The following HNRNPR variants were observed in gnomAD, a reference collection of about 807,000 sequenced individuals.
HNRNPR encodes heterogeneous nuclear ribonucleoprotein R.
HNRNPR carries 4 observed loss-of-function variants against 70.3 expected under a neutral mutation model. That is an observed-to-expected ratio of 0.06 (90% CI 0.03 to 0.13). The LOEUF (loss-of-function observed/expected upper bound fraction) is 0.13, where lower values mean the gene tolerates loss of function less well. Ranked by LOEUF, HNRNPR falls within the 10% of genes least tolerant of loss-of-function variation. HNRNPR has a pLI of 1.00. For missense variants in HNRNPR, 423 were observed against 788.5 expected (o/e 0.54, Z 5.55); for synonymous variants, 241 against 267.6 (o/e 0.90, Z 0.97).
At chr1:23,340,804 T>C in intron 2 of HNRNPR, 48 bp downstream of exon 2, 1 of 1,441,516 alleles carries the variant, frequency 6.9e-7, no homozygotes, top group East Asian at 2.3e-5. Context: ...TCAAAGTGGT[T>C]TGCCCTCACT....
intron 5 of HNRNPR, among the ~76,000 whole-genome samples, chr1:23,324,567 CTAAATAAATAAA>C (rs544734128): frequency 6.6e-6 from 1 of 151,640 alleles, no homozygotes; most frequent in African/African-American, 2.4e-5. Context: ...GACTCCATCT[CTAAATAAATAAA>C]TAAATAAATA....
At chr1:23,313,488 T>C (rs1645415161) in intron 9 of HNRNPR, 65 bp downstream of exon 9, 1 of 1,063,770 alleles carries the variant, frequency 9.4e-7, no homozygotes, top group Non-Finnish European at 1.4e-6. Flanking sequence ...TTAAAGTTAC[T>C]TTGTGTTTGG....
intron 5 of HNRNPR, among the ~76,000 whole-genome samples, chr1:23,328,066 A>G (rs1175125859): frequency 2.0e-5 from 3 of 152,126 alleles, no homozygotes; most frequent in African/African-American, 7.2e-5. Flanking sequence ...TGGAACAGGT[A>G]CAAAAGGCCA....
chr1:23,335,198 G>A (rs946482485), intron 4 of HNRNPR, among the ~76,000 whole-genome samples: 5 of 152,234 alleles, frequency 3.3e-5, no homozygotes, highest in Admixed American at 6.5e-5. Flanking sequence ...GATTACAGGC[G>A]TGAGCCACAG....
chr1:23,316,039 T>C (rs1357383625), intron 8 of HNRNPR, among the ~76,000 whole-genome samples: 1 of 152,210 alleles, frequency 6.6e-6, no homozygotes, highest in Non-Finnish European at 1.5e-5. Flanking sequence ...ATTTAGGCTT[T>C]TAGGTTATGG....
intron 5 of HNRNPR, among the ~76,000 whole-genome samples, chr1:23,329,034 TC>T (rs1204230304): frequency 2.0e-5 from 3 of 152,138 alleles, no homozygotes; most frequent in Non-Finnish European, 4.4e-5. Flanking sequence ...GGCAGGAGGT[TC>T]CCCTAAACCC....
chr1:23,314,351 A>G (rs1034431194), intron 8 of HNRNPR, among the ~76,000 whole-genome samples: 1 of 152,194 alleles, frequency 6.6e-6, no homozygotes, highest in African/African-American at 2.4e-5. Flanking sequence ...TCTAGGAGCC[A>G]TAAGAATGTT....
At chr1:23,334,533 G>A (rs1201734797) in intron 4 of HNRNPR, among the ~76,000 whole-genome samples, 1 of 152,136 alleles carries the variant, frequency 6.6e-6, no homozygotes, top group Non-Finnish European at 1.5e-5. Flanking sequence ...ACCATACCCA[G>A]CCTCTAGTGT....
At chr1:23,322,659 A>G (rs1645805855) in intron 6 of HNRNPR, among the ~76,000 whole-genome samples, 1 of 152,198 alleles carries the variant, frequency 6.6e-6, no homozygotes, top group African/African-American at 2.4e-5. Flanking sequence ...AACAAGTTTG[A>G]AGAAAAAATC....
chr1:23,336,131 A>AAAAAAAAAAAAAAAC (rs1406790639), intron 4 of HNRNPR, among the ~76,000 whole-genome samples: 1 of 145,098 alleles, frequency 6.9e-6, no homozygotes, highest in Non-Finnish European at 1.5e-5. Flanking sequence ...AAAAAAAAAA[A>AAAAAAAAAAAAAAAC]AGTCTATCAC....
intron 8 of HNRNPR, among the ~76,000 whole-genome samples, chr1:23,314,699 G>T (rs747028856): frequency 6.6e-6 from 1 of 152,148 alleles, no homozygotes; most frequent in South Asian, 2.1e-4. Flanking sequence ...ACACTATTTT[G>T]TCAAGAATGA....
intron 4 of HNRNPR, among the ~76,000 whole-genome samples, chr1:23,336,200 CAGATCCCCCA>C (rs1460976296): frequency 6.7e-6 from 1 of 149,972 alleles, no homozygotes; most frequent in Non-Finnish European, 1.5e-5. Flanking sequence ...GTGAGGTAGG[CAGATCCCCCA>C]AGGTCAGGAG....
Position 23,308,276 on chromosome 1 carries a change from T to C in HNRNPR, c.*2178A>G, listed in dbSNP as rs1014703964. ...TTTTGACATGGAACCCAAGTTTTAA[T>C]CTTATGTTTTTGCGAGGGTTTGTTT... On this transcript the variant is annotated 3_prime_UTR_variant, in exon 11 of 11. Coordinates refer to ENST00000302271, the MANE Select transcript of HNRNPR (RefSeq NM_005826.5). 2 of 152,098 alleles carry C rather than the reference T, an allele frequency of 1.3e-5. No homozygotes were observed. The highest frequency in any genetic ancestry group is 4.8e-5 in the African/African-American group (2 of 41,450). The allele number at this position is 152,098 out of a possible 1,614,324, so 9.4% of individuals were successfully genotyped here.
intron 4 of HNRNPR, among the ~76,000 whole-genome samples, chr1:23,334,273 G>C (rs989306652): frequency 7.7e-6 from 1 of 130,378 alleles, no homozygotes; most frequent in Non-Finnish European, 1.6e-5. Context: ...GTCTCGCTGT[G>C]TCACCCAGGC....
intron 5 of HNRNPR, among the ~76,000 whole-genome samples, chr1:23,332,783 G>A (rs922129423): frequency 5.9e-5 from 9 of 151,808 alleles, no homozygotes; most frequent in Non-Finnish European, 1.2e-4. Flanking sequence ...GCTCATGCCT[G>A]TAATCCCAGC....
At chr1:23,342,045 C>G (rs992013480) in intron 1 of HNRNPR, among the ~76,000 whole-genome samples, 1 of 152,078 alleles carries the variant, frequency 6.6e-6, no homozygotes, top group African/African-American at 2.4e-5. Context: ...GGCAGCAGAA[C>G]AAGACATTGC....
rs527385676 is a variant in HNRNPR at position 23,319,336 on chromosome 1, A to C, written c.812-648T>G. Among the ~76,000 whole-genome samples the C allele has an allele frequency of 6.6e-5, 10 of 152,278 alleles. No individual in the cohort carries two copies. In the South Asian group the frequency reaches 2.1e-3, roughly 32 times the overall value. ...TTGATGTCTTAGACATTGCAAATTT[A>C]ACTTTTCCAAAACTGAACCACCATG... is the stretch of plus-strand genomic sequence containing the variant. On this transcript the variant is annotated intron_variant, in intron 7 of 10. Coordinates refer to ENST00000302271, the MANE Select transcript of HNRNPR (RefSeq NM_005826.5).
chr1:23,329,824 T>C (rs866233831), intron 5 of HNRNPR, among the ~76,000 whole-genome samples: 1 of 152,028 alleles, frequency 6.6e-6, no homozygotes, highest in Non-Finnish European at 1.5e-5. Context: ...AGAGACAGGG[T>C]CTCCTTATGT....
At chr1:23,341,366 C>T (rs1646698614) in intron 1 of HNRNPR, among the ~76,000 whole-genome samples, 1 of 152,170 alleles carries the variant, frequency 6.6e-6, no homozygotes, top group Admixed American at 6.5e-5. Context: ...AGCCCCTCAG[C>T]TCTCGGGTCT....
Sources: gnomAD v4.1 joint callset for allele counts (sites outside exome capture counted in the v4.1 genomes callset) on GRCh38, gnomAD v4.1.1 for gene constraint, MANE v1.5 for transcripts, NCBI Gene and HGNC (gene_info 2026-07-23, HGNC 2026-07-21) for gene names.